NAV2: variants seen among roughly 807,000 people sequenced by gnomAD.
The protein encoded by NAV2 is helicase, APC down-regulated 1.
NAV2 carries 54 observed loss-of-function variants against 223.2 expected under a neutral mutation model. The observed-to-expected ratio is 0.24, with a 90% CI of 0.19 to 0.30. NAV2 has a LOEUF of 0.30. Among genes scored for constraint, NAV2 ranks in the 10% least tolerant of loss-of-function variants. NAV2 has a pLI of 1.00. For missense variants in NAV2, 2,806 were observed against 3,147.5 expected (o/e 0.89, Z 2.60); for synonymous variants, 1,279 against 1,239.3 (o/e 1.03, Z -0.67).
At position 19,764,948 on chromosome 11, in the gene NAV2, A is replaced by G. The variant is rs146894894; in HGVS notation, c.267+50986A>G. Among the ~76,000 whole-genome samples, 700 of 152,134 alleles carry G rather than the reference A, an allele frequency of 4.6e-3. 5 individuals are homozygous for G. Among genetic ancestry groups the G allele is most frequent in the South Asian group, 0.013 (63 of 4,808 alleles). On this transcript the variant is annotated intron_variant, in intron 1 of 37. Transcript: ENST00000349880. ...CATATTCAGTTGCACATCTTTGCCA[A>G]TATGTTGCAAAATTGATCCCTCTTC... is the stretch of plus-strand genomic sequence containing the variant.
At chr11:19,388,191 T>C (rs777258510) in intron 1 of NAV2, among the ~76,000 whole-genome samples, 3 of 152,222 alleles carry the variant, frequency 2.0e-5, no homozygotes, top group Non-Finnish European at 4.4e-5. Context: ...TGCGAATCTT[T>C]GTATGTTTTA....
intron 1 of NAV2, among the ~76,000 whole-genome samples, chr11:19,594,784 C>G (rs1213646577): frequency 6.6e-6 from 1 of 152,158 alleles, no homozygotes; most frequent in Non-Finnish European, 1.5e-5. Context: ...CTTAACTTTG[C>G]TAAGCCTCAG....
chr11:20,079,943 G>A, intron 24 of NAV2, 121 bp from the exon 25 acceptor site: 1 of 999,758 alleles, frequency 1.0e-6, no homozygotes, highest in Non-Finnish European at 1.5e-6. Flanking sequence ...CAGAGTTGAT[G>A]TATATGTGGA....
rs777570285 is a variant in NAV2, at chr11:19,713,749, G to T, written c.54G>T (p.Val18=). Residue 18 remains valine, a synonymous_variant, in exon 1 of 38, where the codon GTG becomes GTT. Transcript: ENST00000349880. The surrounding 1 kb of genome is among the most constrained non-coding windows in gnomAD (Gnocchi z 7.2). ...TGAAGTCGGGACTGCCCAAACCCGT[G>T]CACAGCGCCGCGCCCATCCTGCACG... The part of the protein sequence containing the change: ...SKMKSGLPKP[V]HSAAPILHVP... 6.2e-7 allele frequency: 1 copy of T among 1,611,564 alleles called. No homozygotes were observed. The highest frequency in any genetic ancestry group is 2.2e-5 in the East Asian group (1 of 44,822).
rs146729125 is a variant in NAV2 at position 19,948,768 on chromosome 11, C to A, written c.2333C>A (p.Pro778His). Residue 778 changes from proline to histidine, a missense_variant, in exon 10 of 38, where the codon CCC becomes CAC. Pro to His is a moderately conservative substitution (Grantham distance 77). This residue lies in a region of NAV2 where 1,167 missense variants were observed against 1,180.5 expected (regional missense o/e 0.99). Transcript: ENST00000349880. ...AGCATACTCAGCTTGACAGGGAGGC[C>A]CACACCTCTGTCCTGGAGACTGGGC... ...GRSILSLTGR[P>H]TPLSWRLGQS... 3.7e-6 allele frequency: 6 copies of A among 1,613,370 alleles called. No individual in the cohort carries two copies. The highest frequency in any genetic ancestry group is 5.1e-6 in the Non-Finnish European group (6 of 1,179,572).
chr11:19,982,400 TGG>T (rs1465908158), intron 10 of NAV2, among the ~76,000 whole-genome samples: 1 of 152,142 alleles, frequency 6.6e-6, no homozygotes, highest in Non-Finnish European at 1.5e-5. Context: ...CCCAAGTAGC[TGG>T]GACTACAACA....
intron 11 of NAV2, among the ~76,000 whole-genome samples, chr11:20,013,247 A>C (rs1284318434): frequency 6.6e-6 from 1 of 152,236 alleles, no homozygotes; most frequent in African/African-American, 2.4e-5. Context: ...ATACAAAGTT[A>C]GTAGAGTCTC....
At chr11:19,741,812 T>C (rs2052856785) in intron 1 of NAV2, among the ~76,000 whole-genome samples, 1 of 151,546 alleles carries the variant, frequency 6.6e-6, no homozygotes, top group African/African-American at 2.4e-5. Flanking sequence ...CTGCAACAAA[T>C]AGGGGAGTGC....
intron 1 of NAV2, among the ~76,000 whole-genome samples, chr11:19,588,622 G>A (rs1405804553): frequency 1.3e-5 from 2 of 152,214 alleles, no homozygotes; most frequent in Non-Finnish European, 2.9e-5. Flanking sequence ...AACTACCATT[G>A]GAGACATAGG....
intron 11 of NAV2, among the ~76,000 whole-genome samples, chr11:20,016,129 C>T (rs1382148838): frequency 6.6e-6 from 1 of 152,154 alleles, no homozygotes; most frequent in Middle Eastern, 3.2e-3. Flanking sequence ...GTTTAATTAT[C>T]GTTATTGTTG....
chr11:19,357,613 G>T (rs1387558899), intron 1 of NAV2, among the ~76,000 whole-genome samples: 1 of 152,110 alleles, frequency 6.6e-6, no homozygotes, highest in Non-Finnish European at 1.5e-5. Flanking sequence ...GGATGGGGGT[G>T]GGTGGCTGCT....
intron 2 of NAV2, among the ~76,000 whole-genome samples, chr11:19,839,778 A>G (rs1485575259): frequency 6.6e-6 from 1 of 152,272 alleles, no homozygotes; most frequent in African/African-American, 2.4e-5. Flanking sequence ...TCCAGTCACT[A>G]ACTAGTCACC....
intron 26 of NAV2, among the ~76,000 whole-genome samples, chr11:20,090,075 G>A (rs890518432): frequency 2.6e-5 from 4 of 152,204 alleles, no homozygotes; most frequent in Non-Finnish European, 4.4e-5. Context: ...AAAGAAGGTT[G>A]ATCTGTCTAG....
intron 1 of NAV2, among the ~76,000 whole-genome samples, chr11:19,618,635 G>A (rs977964804): frequency 1.1e-4 from 16 of 152,172 alleles, no homozygotes; most frequent in African/African-American, 3.9e-4. Flanking sequence ...GCTAAGCTGT[G>A]GTGGTGGGGA....
chr11:19,820,424 A>T (rs72895780), intron 1 of NAV2, among the ~76,000 whole-genome samples: 570 of 152,370 alleles, frequency 3.7e-3, no homozygotes, highest in Non-Finnish European at 6.9e-3. Flanking sequence ...GATTGTGGTT[A>T]AAAGTTGTTC....
At chr11:19,979,892 A>G (rs2050148930) in intron 10 of NAV2, among the ~76,000 whole-genome samples, 1 of 152,248 alleles carries the variant, frequency 6.6e-6, no homozygotes, top group South Asian at 2.1e-4. Context: ...CTGGGATCTT[A>G]ACCACAGCTC....
intron 1 of NAV2, among the ~76,000 whole-genome samples, chr11:19,479,314 G>C (rs1262378443): frequency 2.6e-5 from 4 of 152,164 alleles, no homozygotes; most frequent in African/African-American, 7.2e-5. Context: ...CAGAATTCAA[G>C]CACCAAAAGG....
chr11:19,925,639 T>G (rs1649940708), intron 6 of NAV2, among the ~76,000 whole-genome samples: 1 of 151,706 alleles, frequency 6.6e-6, no homozygotes, highest in Non-Finnish European at 1.5e-5. Context: ...ATCCCACTAT[T>G]CAGGAGGCTG....
intron 1 of NAV2, among the ~76,000 whole-genome samples, chr11:19,501,752 C>A (rs1320704744): frequency 6.6e-6 from 1 of 151,616 alleles, no homozygotes; most frequent in African/African-American, 2.4e-5. Context: ...GTAGCAGCAG[C>A]AGAAATTACT....
Sources: gnomAD v4.1 joint callset for allele counts (sites outside exome capture counted in the v4.1 genomes callset) on GRCh38, gnomAD v4.1.1 for gene constraint, gnomAD v4.1.1 regional missense constraint, Gnocchi (gnomAD v3.1) non-coding constraint, MANE v1.5 for transcripts, NCBI Gene and HGNC (gene_info 2026-07-23, HGNC 2026-07-21) for gene names.